The following HS6ST3 variants were observed in gnomAD, a reference collection of about 807,000 sequenced individuals.
The protein encoded by HS6ST3 is heparan sulfate 6-O-sulfotransferase 3.
Under a neutral mutation model 36.7 loss-of-function variants are expected in HS6ST3, and 12 were observed. The ratio of observed to expected loss-of-function variants is 0.33; its 90% CI spans 0.21 to 0.53. The LOEUF (loss-of-function observed/expected upper bound fraction) is 0.53, where lower values mean the gene tolerates loss of function less well. Among genes scored for constraint, HS6ST3 ranks in the 20% least tolerant of loss-of-function variants. HS6ST3 has a pLI of 0.95. For missense variants in HS6ST3, 584 were observed against 640.9 expected (o/e 0.91, Z 0.96); for synonymous variants, 240 against 257.5 (o/e 0.93, Z 0.65).
At chr13:96,761,757 A>G (rs1876976529) in intron 1 of HS6ST3, among the ~76,000 whole-genome samples, 1 of 152,192 alleles carries the variant, frequency 6.6e-6, no homozygotes, top group African/African-American at 2.4e-5. Flanking sequence ...TGGAACACAC[A>G]TAATTTTTCA....
intron 1 of HS6ST3, among the ~76,000 whole-genome samples, chr13:96,145,529 G>A (rs1361662179): frequency 1.3e-5 from 2 of 152,084 alleles, no homozygotes; most frequent in Non-Finnish European, 2.9e-5. Context: ...ATTTGTTTGA[G>A]TTCATTGTAG....
intron 1 of HS6ST3, among the ~76,000 whole-genome samples, chr13:96,141,416 T>C (rs757295949): frequency 6.6e-6 from 1 of 152,052 alleles, no homozygotes; most frequent in Non-Finnish European, 1.5e-5. Flanking sequence ...TGCAGTGGCA[T>C]GATCATGGCT....
chr13:96,709,171 C>T (rs1360045237), intron 1 of HS6ST3, among the ~76,000 whole-genome samples: 1 of 152,196 alleles, frequency 6.6e-6, no homozygotes. Context: ...CACTCATGCT[C>T]TCTCCTGCCT....
intron 1 of HS6ST3, among the ~76,000 whole-genome samples, chr13:96,654,346 T>A (rs926409285): frequency 2.1e-4 from 32 of 152,222 alleles, no homozygotes; most frequent in Admixed American, 2.6e-4. Flanking sequence ...TTTTAGGTCT[T>A]ACATTTAAGT....
intron 1 of HS6ST3, among the ~76,000 whole-genome samples, chr13:96,734,113 T>C (rs1320056080): frequency 1.3e-5 from 2 of 152,232 alleles, no homozygotes; most frequent in Non-Finnish European, 2.9e-5. Context: ...TATTTACTTA[T>C]AAGCTGGCCA....
At chr13:96,635,651 C>CT (rs2056547004) in intron 1 of HS6ST3, among the ~76,000 whole-genome samples, 1 of 152,106 alleles carries the variant, frequency 6.6e-6, no homozygotes, top group Non-Finnish European at 1.5e-5. Context: ...TGACTAGAGT[C>CT]TATGTCAAGA....
At chr13:96,385,087 G>A (rs1191612104) in intron 1 of HS6ST3, among the ~76,000 whole-genome samples, 3 of 149,566 alleles carry the variant, frequency 2.0e-5, no homozygotes, top group Non-Finnish European at 4.4e-5. Context: ...GGTGAGGCAA[G>A]AGAATCGCTT....
chr13:96,203,913 A>G (rs16951682), intron 1 of HS6ST3, among the ~76,000 whole-genome samples: 6,281 of 152,262 alleles, frequency 0.041, 205 homozygotes, highest in African/African-American at 0.087. Context: ...ATTACTATCT[A>G]TTTGGTATTC....
chr13:96,592,784 C>T (rs1566406034), intron 1 of HS6ST3, among the ~76,000 whole-genome samples: 1 of 152,008 alleles, frequency 6.6e-6, no homozygotes, highest in Non-Finnish European at 1.5e-5. Flanking sequence ...AAGAGTTGCA[C>T]TAAAAAGTCT....
intron 1 of HS6ST3, among the ~76,000 whole-genome samples, chr13:96,708,356 C>A (rs1416688507): frequency 1.3e-5 from 2 of 152,182 alleles, no homozygotes; most frequent in African/African-American, 4.8e-5. Context: ...AGATGGAATT[C>A]TTAATATTAA....
intron 1 of HS6ST3, among the ~76,000 whole-genome samples, chr13:96,158,127 G>T (rs906751452): frequency 6.6e-6 from 1 of 152,154 alleles, no homozygotes; most frequent in Non-Finnish European, 1.5e-5. Flanking sequence ...GGTTAAGAGC[G>T]ATGTAAAGGA....
intron 1 of HS6ST3, among the ~76,000 whole-genome samples, chr13:96,666,506 TTATTATAC>T (rs2056664798): frequency 6.6e-6 from 1 of 152,172 alleles, no homozygotes; most frequent in African/African-American, 2.4e-5. Context: ...TAGATTAAGA[TTATTATAC>T]TATTATACTA....
chr13:96,580,434 T>G (rs2056337852), intron 1 of HS6ST3, among the ~76,000 whole-genome samples: 1 of 151,600 alleles, frequency 6.6e-6, no homozygotes, highest in Non-Finnish European at 1.5e-5. Flanking sequence ...AGATGAGTTC[T>G]CAGCAGTAAG....
chr13:96,342,004 T>C (rs1458479064), intron 1 of HS6ST3, among the ~76,000 whole-genome samples: 1 of 152,256 alleles, frequency 6.6e-6, no homozygotes, highest in East Asian at 1.9e-4. Context: ...CAGATGAATG[T>C]CCTGAAATTG....
At chr13:96,177,677 C>T (rs1019855864) in intron 1 of HS6ST3, among the ~76,000 whole-genome samples, 19 of 151,896 alleles carry the variant, frequency 1.3e-4, no homozygotes, top group Admixed American at 2.6e-4. Flanking sequence ...GAGAATATAA[C>T]TGTTGGGTAC....
At chr13:96,478,105 G>GA (rs569861317) in intron 1 of HS6ST3, among the ~76,000 whole-genome samples, 35 of 152,230 alleles carry the variant, frequency 2.3e-4, no homozygotes, top group African/African-American at 8.4e-4. Context: ...TGCTCAGAGA[G>GA]AAAAAATAGG....
At chr13:96,560,499 A>G (rs1481264228) in intron 1 of HS6ST3, among the ~76,000 whole-genome samples, 2 of 152,116 alleles carry the variant, frequency 1.3e-5, no homozygotes, top group Admixed American at 6.5e-5. Flanking sequence ...TTCCTATTCA[A>G]CGCAGTACTG....
chr13:96,403,146 T>C (rs1419752223), intron 1 of HS6ST3, among the ~76,000 whole-genome samples: 1 of 152,228 alleles, frequency 6.6e-6, no homozygotes, highest in Non-Finnish European at 1.5e-5. Flanking sequence ...ACTAAAGATG[T>C]ACTTCTTTTT....
At chr13:96,745,935 G>A (rs11619114) in intron 1 of HS6ST3, among the ~76,000 whole-genome samples, 1 of 151,976 alleles carries the variant, frequency 6.6e-6, no homozygotes, top group Non-Finnish European at 1.5e-5. Flanking sequence ...CAAAGCCCAG[G>A]CAGTGTGTTG....
Sources: allele counts gnomAD v4.1 joint callset (sites outside exome capture counted in the v4.1 genomes callset), GRCh38; gene constraint gnomAD v4.1.1; transcripts MANE v1.5; gene names NCBI Gene and HGNC (gene_info 2026-07-23, HGNC 2026-07-21).